Variants in PLCE1 observed in about 807,000 individuals in gnomAD.
PLCE1 encodes the protein 1-phosphatidylinositol 4,5-bisphosphate phosphodiesterase epsilon-1.
Under a neutral mutation model 242.8 loss-of-function variants are expected in PLCE1, and 119 were observed. The ratio of observed to expected loss-of-function variants is 0.49; its 90% confidence interval spans 0.42 to 0.57. The LOEUF is 0.57. PLCE1 is among the 20% of genes least tolerant of loss of function. The probability of loss-of-function intolerance (pLI) is 0.00; values close to 1 mark genes in which losing one functional copy is unlikely to be tolerated. For synonymous variants in PLCE1, 945 were observed against 1,017.4 expected (o/e 0.93, Z 1.35); for missense variants, 2,441 against 2,788.8 (o/e 0.88, Z 2.81).
At chr10:94,184,952 A>G (rs571327325) in intron 4 of PLCE1, among the ~76,000 whole-genome samples, 3 of 152,302 alleles carry the variant, frequency 2.0e-5, no homozygotes, top group South Asian at 4.1e-4. Context: ...GTGTAATAGT[A>G]TTTTATGAAT....
At chr10:94,022,363 A>G (rs891404795) in intron 1 of PLCE1, among the ~76,000 whole-genome samples, 1 of 152,008 alleles carries the variant, frequency 6.6e-6, no homozygotes. Flanking sequence ...ATAAATAAAA[A>G]ACATTGCTTA....
chr10:94,004,103 G>T (rs1027975755), intron 1 of PLCE1, among the ~76,000 whole-genome samples: 1 of 151,670 alleles, frequency 6.6e-6, no homozygotes, highest in Non-Finnish European at 1.5e-5. Flanking sequence ...CTGAGATCGC[G>T]CCACTGCACT....
chr10:94,288,965 T>G (rs1293622456), intron 22 of PLCE1, among the ~76,000 whole-genome samples: 1 of 152,166 alleles, frequency 6.6e-6, no homozygotes, highest in African/African-American at 2.4e-5. Context: ...CACTGAGAGT[T>G]GCCTCCCCCA....
At chr10:94,294,106 CA>C (rs1316684363) in intron 23 of PLCE1, among the ~76,000 whole-genome samples, 1 of 151,738 alleles carries the variant, frequency 6.6e-6, no homozygotes, top group Non-Finnish European at 1.5e-5. Flanking sequence ...GATTCTGTCT[CA>C]AAAAAATATT....
chr10:94,280,575 A>C (rs1430465143), intron 20 of PLCE1: 1 of 152,732 alleles, frequency 6.5e-6, no homozygotes, highest in African/African-American at 2.4e-5. Context: ...TAGAGATTGC[A>C]GAATGTTTAC....
At chr10:94,187,308 G>A (rs1406295989) in intron 4 of PLCE1, among the ~76,000 whole-genome samples, 1 of 152,048 alleles carries the variant, frequency 6.6e-6, no homozygotes, top group African/African-American at 2.4e-5. Flanking sequence ...CCAAGTGAGG[G>A]CAGGGCAGTA....
chr10:94,155,164 C>T (rs918830269), intron 3 of PLCE1, among the ~76,000 whole-genome samples: 1 of 151,962 alleles, frequency 6.6e-6, no homozygotes, highest in Non-Finnish European at 1.5e-5. Context: ...AACATACATT[C>T]ACACAAAAAT....
chr10:94,131,129 ACATGATAGAGACAG>A (rs1379691727), intron 2 of PLCE1, among the ~76,000 whole-genome samples: 15 of 152,330 alleles, frequency 9.8e-5, no homozygotes, highest in Middle Eastern at 3.4e-3. Flanking sequence ...GCTCAAGGTG[ACATGATAGAGACAG>A]CATGATAGAG....
At position 94,234,122 on chromosome 10, in the gene PLCE1, A is replaced by G; in HGVS notation, c.2024A>G (p.Lys675Arg). The change falls in exon 6 of 33, where the codon AAG becomes AGG. Residue 675 changes from lysine (K) to arginine (R), a missense_variant. Physicochemically the swap from Lys to Arg is conservative, Grantham distance 26. Around this residue, in one of 5 missense-constraint regions of PLCE1, gnomAD observed 733 missense variants for 754.2 expected, o/e 0.97. Coordinates refer to ENST00000371380, the MANE Select transcript of PLCE1 (RefSeq NM_016341.4). ...QSDIETMRSL[K>R]DAMAQHESSC... ...GATATTGAGACCATGAGGAGCCTGA[A>G]GGATGCTATGGCCCAGCATGAGTCC... 1 of 1,614,020 alleles carries G rather than the reference A, an allele frequency of 6.2e-7. No homozygotes were observed. Among genetic ancestry groups the G allele is most frequent in the Non-Finnish European group, 8.5e-7 (1 of 1,179,852 alleles).
At chr10:94,068,281 G>A (rs986512505) in intron 2 of PLCE1, among the ~76,000 whole-genome samples, 5 of 152,014 alleles carry the variant, frequency 3.3e-5, no homozygotes, top group Admixed American at 6.6e-5. Context: ...TGCTTCTTTC[G>A]TGCTCCCATC....
chr10:94,161,353 G>T (rs1188421233), intron 3 of PLCE1, among the ~76,000 whole-genome samples: 5 of 152,022 alleles, frequency 3.3e-5, no homozygotes, highest in Admixed American at 2.6e-4. Context: ...GGTTTGTAGT[G>T]CTCCTTGAAA....
chr10:94,111,656 A>G (rs757254321), intron 2 of PLCE1, among the ~76,000 whole-genome samples: 3 of 68,942 alleles, frequency 4.4e-5, no homozygotes, highest in Non-Finnish European at 1.1e-4. Flanking sequence ...AGGCATTTAC[A>G]CTTGGTTCTG....
intron 2 of PLCE1, among the ~76,000 whole-genome samples, chr10:94,043,230 C>A (rs1465272370): frequency 6.6e-6 from 1 of 152,160 alleles, no homozygotes; most frequent in Non-Finnish European, 1.5e-5. Flanking sequence ...GAGGAGGCAA[C>A]AAAACAAAAC....
At chr10:94,035,330 C>T (rs916792658) in intron 2 of PLCE1, among the ~76,000 whole-genome samples, 1 of 152,122 alleles carries the variant, frequency 6.6e-6, no homozygotes, top group East Asian at 1.9e-4. Flanking sequence ...TATGCCTATA[C>T]CCTCCTCCAG....
At position 94,234,259 on chromosome 10, in the gene PLCE1, TC is replaced by T; in HGVS notation, c.2163del (p.Gly722ValfsTer3). 6.2e-7 allele frequency: 1 copy of T among 1,614,106 alleles called. No homozygotes were observed. Among genetic ancestry groups the T allele is most frequent in the Non-Finnish European group, 8.5e-7 (1 of 1,180,004 alleles). ...KELCEVLDGASGLMKLCPRYN... is the reference protein window; with the variant it reads ...KELCEVLDGAXGLMKLCPRYN... ...GCTCTGTGAAGTGCTTGACGGCGCC[TC>T]CGGTCTCATGAAGCTTTGCCCGCGG... On this transcript the variant is annotated frameshift_variant, in exon 6 of 33. Transcript: ENST00000371380. LOFTEE classifies it high-confidence loss of function.
rs927234515 is a variant in PLCE1, at chr10:94,110,167, A to G, written c.1207-22007A>G. Among the ~76,000 whole-genome samples, 75 of 134,886 alleles carry G rather than the reference A, an allele frequency of 5.6e-4. 1 individual carries two copies. The highest frequency in any genetic ancestry group is 5.6e-4 in the Non-Finnish European group (37 of 66,028). The allele number at this position is 134,886 out of a possible 152,430, so 88.5% of individuals were successfully genotyped here. ...AAGGTCCACCTCCTGGGTTCATGCCATTCTCCTGCCTCAGCCTCCCGACTA... is the reference window on the plus strand; with the variant it reads ...AAGGTCCACCTCCTGGGTTCATGCCGTTCTCCTGCCTCAGCCTCCCGACTA... On this transcript the variant is annotated intron_variant, in intron 2 of 32. Coordinates refer to ENST00000371380, the MANE Select transcript of PLCE1 (RefSeq NM_016341.4).
chr10:94,264,506 G>T (rs1419939576), intron 14 of PLCE1, among the ~76,000 whole-genome samples: 10 of 134,774 alleles, frequency 7.4e-5, no homozygotes, highest in Non-Finnish European at 1.1e-4. Context: ...GGAGTAACAT[G>T]ATTTGATTTT....
chr10:94,015,068 C>G (rs2061253068), intron 1 of PLCE1, among the ~76,000 whole-genome samples: 1 of 152,196 alleles, frequency 6.6e-6, no homozygotes, highest in Non-Finnish European at 1.5e-5. Context: ...CTGTCAAAAC[C>G]TCAGTTTTCT....
chr10:94,235,062 T>TCTCACACACACACA (rs2050269717), intron 6 of PLCE1, among the ~76,000 whole-genome samples: 1 of 135,440 alleles, frequency 7.4e-6, no homozygotes, highest in African/African-American at 2.9e-5. Flanking sequence ...TACTGACCTT[T>TCTCACACACACACA]CACACACACA....
Sources: gnomAD v4.1 joint callset for allele counts (sites outside exome capture counted in the v4.1 genomes callset) on GRCh38, gnomAD v4.1.1 for gene constraint, gnomAD v4.1.1 regional missense constraint, MANE v1.5 for transcripts, NCBI Gene and HGNC (gene_info 2026-07-23, HGNC 2026-07-21) for gene names.